The following MAMDC2 variants were observed in gnomAD, a reference collection of about 807,000 sequenced individuals.
MAMDC2 encodes MAM domain-containing protein 2.
A neutral mutation model predicts 89.8 loss-of-function variants in MAMDC2; 57 were observed. The observed-to-expected ratio is 0.63, with a 90% CI of 0.51 to 0.79. The LOEUF is 0.79. MAMDC2 is among the 30% of genes least tolerant of loss of function. The pLI is 0.00. For synonymous variants in MAMDC2, 313 were observed against 293.4 expected (o/e 1.07, Z -0.68); for missense variants, 800 against 820.6 (o/e 0.97, Z 0.31).
intron 2 of MAMDC2, chr9:70,086,553 T>G (rs1827774520): frequency 1.3e-5 from 2 of 152,180 alleles, no homozygotes; most frequent in African/African-American, 4.8e-5. Context: ...AATGACTATT[T>G]GGAATCATCC....
intron 11 of MAMDC2, among the ~76,000 whole-genome samples, chr9:70,198,966 C>G (rs1040050773): frequency 1.9e-4 from 29 of 152,006 alleles, no homozygotes; most frequent in Non-Finnish European, 3.4e-4. Flanking sequence ...GAATGCTATC[C>G]AGTGAGTCTG....
intron 8 of MAMDC2, among the ~76,000 whole-genome samples, chr9:70,142,851 A>AT (rs1284463070): frequency 6.6e-6 from 1 of 152,058 alleles, no homozygotes; most frequent in African/African-American, 2.4e-5. Flanking sequence ...AGGTGTTATT[A>AT]TTTTTTTCTT....
intron 2 of MAMDC2, among the ~76,000 whole-genome samples, chr9:70,065,675 G>A (rs765453435): frequency 3.3e-5 from 5 of 150,848 alleles, no homozygotes; most frequent in African/African-American, 4.9e-5. Flanking sequence ...GATAGAAAAC[G>A]TGTACTTCAC....
At chr9:70,100,651 G>C (rs1040323641) in intron 2 of MAMDC2, among the ~76,000 whole-genome samples, 2 of 152,136 alleles carry the variant, frequency 1.3e-5, no homozygotes, top group Admixed American at 6.5e-5. Flanking sequence ...ATTAGCCTTG[G>C]GTAAGAACCA....
At chr9:70,138,870 C>A (rs927961525) in intron 7 of MAMDC2, among the ~76,000 whole-genome samples, 2 of 152,244 alleles carry the variant, frequency 1.3e-5, no homozygotes, top group South Asian at 4.2e-4. Flanking sequence ...TTTCTTCAAG[C>A]AGATCAGCTC....
At chr9:70,197,465 T>C (rs2032994901) in intron 11 of MAMDC2, among the ~76,000 whole-genome samples, 1 of 152,100 alleles carries the variant, frequency 6.6e-6, no homozygotes, top group Admixed American at 6.6e-5. Flanking sequence ...GAAGAACATG[T>C]TATCTACAAA....
intron 9 of MAMDC2, among the ~76,000 whole-genome samples, chr9:70,166,256 A>C (rs2118513894): frequency 6.9e-6 from 1 of 145,164 alleles, no homozygotes; most frequent in East Asian, 2.0e-4. Context: ...AAAAAAACAA[A>C]ACAGAAATAT....
chr9:70,059,062 T>C (rs1455168120), intron 2 of MAMDC2, among the ~76,000 whole-genome samples: 1 of 152,190 alleles, frequency 6.6e-6, no homozygotes, highest in African/African-American at 2.4e-5. Context: ...GTTTTGAAAA[T>C]GAGTGAAGTA....
At chr9:70,203,551 G>A (rs11142069) in intron 11 of MAMDC2, among the ~76,000 whole-genome samples, 1,680 of 118,276 alleles carry the variant, frequency 0.014, 55 homozygotes, top group African/African-American at 0.047. Flanking sequence ...TGCTCTTCTC[G>A]AGGAGTATCT....
intron 7 of MAMDC2, 80 bp downstream of exon 7, chr9:70,131,692 G>T: frequency 9.7e-7 from 1 of 1,030,622 alleles, no homozygotes; most frequent in Admixed American, 2.4e-5. Flanking sequence ...TGTTTTAATT[G>T]CTTTTAATTT....
chr9:70,200,838 A>G (rs2118631215), intron 11 of MAMDC2, among the ~76,000 whole-genome samples: 1 of 149,788 alleles, frequency 6.7e-6, no homozygotes, highest in East Asian at 2.0e-4. Flanking sequence ...TTCACTCATG[A>G]TTTGGGTCTC....
At chr9:70,211,830 T>C (rs1404248100) in intron 11 of MAMDC2, among the ~76,000 whole-genome samples, 1 of 152,188 alleles carries the variant, frequency 6.6e-6, no homozygotes, top group African/African-American at 2.4e-5. Flanking sequence ...TTCTGTTCAT[T>C]AGTTTTCTTT....
chr9:70,044,649 G>C lies in MAMDC2; in HGVS notation c.100G>C (p.Gly34Arg). 1.3e-6 allele frequency: 2 copies of C among 1,551,644 alleles called. No homozygotes were observed. Among genetic ancestry groups the C allele is most frequent in the Non-Finnish European group, 1.7e-6 (2 of 1,146,990 alleles). Residue 34 changes from glycine to arginine, a missense_variant, in exon 2 of 14, where the codon GGC (glycine) becomes CGC (arginine). Coordinates refer to ENST00000377182, the MANE Select transcript of MAMDC2 (RefSeq NM_153267.5). ...GSCAFEESTCGFDSVLASLPW... is the reference protein window; with the variant it reads ...GSCAFEESTCRFDSVLASLPW... ...CTGTGCCTTTGAAGAGAGCACTTGC[G>C]GCTTTGACTCCGTGTTGGCCTCTCT... is the stretch of plus-strand genomic sequence containing the variant.
rs141170926 is a variant in MAMDC2 at position 70,158,055 on chromosome 9, T to A, written c.1405-10647T>A. The stretch of plus-strand genomic sequence containing the variant: ...CACTGTAACCTTGACCTCTGCAAGG[T>A]CAGGTGATCCTCCCACCTCAGCCTC... On this transcript the variant is annotated intron_variant, in intron 9 of 13. Transcript: ENST00000377182. Among the ~76,000 whole-genome samples, 86 of 152,208 alleles carry A rather than the reference T, an allele frequency of 5.7e-4. 3 individuals carry two copies. In the East Asian group the frequency reaches 0.014, roughly 24 times the overall value.
At chr9:70,187,850 T>G (rs769784614) in intron 11 of MAMDC2, among the ~76,000 whole-genome samples, 2 of 152,222 alleles carry the variant, frequency 1.3e-5, no homozygotes, top group Non-Finnish European at 2.9e-5. Flanking sequence ...ATTTTATTTG[T>G]GAACAACTTT....
chr9:70,181,165 T>A (rs767991167), intron 11 of MAMDC2, among the ~76,000 whole-genome samples: 5 of 152,182 alleles, frequency 3.3e-5, no homozygotes, highest in Non-Finnish European at 7.4e-5. Flanking sequence ...TGGTTGCAGA[T>A]GTGTGGTGTT....
chr9:70,103,526 T>C (rs1386051975), intron 2 of MAMDC2, among the ~76,000 whole-genome samples: 1 of 150,032 alleles, frequency 6.7e-6, no homozygotes, highest in Non-Finnish European at 1.5e-5. Context: ...GCTGAAACAA[T>C]AAAACTCTGA....
intron 2 of MAMDC2, among the ~76,000 whole-genome samples, chr9:70,062,308 C>T (rs925849488): frequency 2.0e-5 from 3 of 152,010 alleles, no homozygotes; most frequent in Middle Eastern, 3.4e-3. Flanking sequence ...ATCTATGTCT[C>T]CTCTACCATT....
rs1267235339 is a variant in MAMDC2 at position 70,112,864 on chromosome 9, C to T, written c.506-131C>T. ...TTCTTGGCCAAAATTGTGCAGGGGT[C>T]CTGGTAGAAAGGTTGCAGTGGGCAA... is the stretch of plus-strand genomic sequence containing the variant. On this transcript the variant is annotated intron_variant, in intron 4 of 13. Coordinates refer to ENST00000377182, the MANE Select transcript of MAMDC2 (RefSeq NM_153267.5). 4 of 1,091,040 alleles carry T rather than the reference C, an allele frequency of 3.7e-6. No homozygotes were observed. The African/African-American group carries it at 6.2e-5, about 17-fold the overall frequency. 67.6% of individuals were successfully genotyped at this position (1,091,040 alleles called of 1,614,324 possible). A position where few individuals can be genotyped will look rare whatever the true frequency, so the allele number is the denominator to read the frequency against.
Sources: allele counts gnomAD v4.1 joint callset (sites outside exome capture counted in the v4.1 genomes callset), GRCh38; gene constraint gnomAD v4.1.1; transcripts MANE v1.5; gene names NCBI Gene and HGNC (gene_info 2026-07-23, HGNC 2026-07-21).